The following TCF12 variants were observed in gnomAD, a reference collection of about 807,000 sequenced individuals.
The protein encoded by TCF12 is DNA-binding protein HTF4.
TCF12 carries 45 observed loss-of-function variants against 86.0 expected under a neutral mutation model. The observed-to-expected ratio is 0.52, with a 90% confidence interval of 0.41 to 0.67. TCF12 has a LOEUF of 0.67. Among genes scored for constraint, TCF12 ranks in the 30% least tolerant of loss-of-function variants. The pLI is 0.00. For synonymous variants in TCF12, 330 were observed against 299.6 expected, an observed-to-expected ratio of 1.10 and a Z score of -1.05; for missense variants, 881 against 859.9, an observed-to-expected ratio of 1.02 and a Z score of -0.31.
At chr15:57,014,599 A>G (rs1188537505) in intron 3 of TCF12, among the ~76,000 whole-genome samples, 1 of 152,116 alleles carries the variant, frequency 6.6e-6, no homozygotes, top group Non-Finnish European at 1.5e-5. Flanking sequence ...ATTCCTGGGC[A>G]TGATGTCTTT....
intron 5 of TCF12, among the ~76,000 whole-genome samples, chr15:57,097,208 T>G (rs2049385083): frequency 6.6e-6 from 1 of 152,202 alleles, no homozygotes; most frequent in South Asian, 2.1e-4. Flanking sequence ...ATCACCATTT[T>G]CAGACTATCA....
chr15:56,982,489 T>C (rs1192877781), intron 3 of TCF12, among the ~76,000 whole-genome samples: 2 of 152,222 alleles, frequency 1.3e-5, no homozygotes, highest in African/African-American at 4.8e-5. Flanking sequence ...TCCAGTGACC[T>C]GATAACTGTC....
At chr15:57,046,592 G>A (rs1260951025) in intron 3 of TCF12, among the ~76,000 whole-genome samples, 1 of 152,018 alleles carries the variant, frequency 6.6e-6, no homozygotes, top group Non-Finnish European at 1.5e-5. Context: ...ACAGGCCAGT[G>A]CCATCACACC....
intron 3 of TCF12, among the ~76,000 whole-genome samples, chr15:56,930,374 TGCCAAGG>T (rs1307528512): frequency 2.6e-5 from 4 of 152,234 alleles, no homozygotes; most frequent in African/African-American, 9.6e-5. Flanking sequence ...TGGGCACTTG[TGCCAAGG>T]GTAAGAATCT....
intron 16 of TCF12, among the ~76,000 whole-genome samples, chr15:57,260,821 A>G (rs1434650645): frequency 6.6e-6 from 1 of 152,218 alleles, no homozygotes; most frequent in African/African-American, 2.4e-5. Flanking sequence ...TTAAGAATAA[A>G]CAAGACCAGG....
At chr15:57,272,214 A>G (rs563642524) in intron 18 of TCF12, among the ~76,000 whole-genome samples, 17 of 152,350 alleles carry the variant, frequency 1.1e-4, no homozygotes, top group African/African-American at 3.8e-4. Context: ...TAATGTAAAT[A>G]ATTCTGTGAT....
chr15:56,934,821 C>A (rs2060397237), intron 3 of TCF12, among the ~76,000 whole-genome samples: 1 of 152,050 alleles, frequency 6.6e-6, no homozygotes, highest in African/African-American at 2.4e-5. Flanking sequence ...GGTCAGTGTA[C>A]TTGTGGCCTT....
At chr15:56,923,509 A>C (rs1294682365) in intron 3 of TCF12, among the ~76,000 whole-genome samples, 6 of 152,154 alleles carry the variant, frequency 3.9e-5, no homozygotes, top group African/African-American at 1.4e-4. Flanking sequence ...GGCTCTGTGA[A>C]GTGTTCCTAA....
At chr15:57,216,984 G>A (rs1164220957) in intron 8 of TCF12, among the ~76,000 whole-genome samples, 1 of 151,988 alleles carries the variant, frequency 6.6e-6, no homozygotes. Flanking sequence ...ATAGATACAG[G>A]CATAGAGTTT....
At chr15:57,041,287 T>C (rs2066880580) in intron 3 of TCF12, among the ~76,000 whole-genome samples, 1 of 152,220 alleles carries the variant, frequency 6.6e-6, no homozygotes, top group African/African-American at 2.4e-5. Context: ...TTTTAGTACG[T>C]TAAAATTGGA....
chr15:57,088,151 T>G (rs1246586006), intron 4 of TCF12, among the ~76,000 whole-genome samples: 1 of 152,216 alleles, frequency 6.6e-6, no homozygotes, highest in East Asian at 1.9e-4. Context: ...ATTGTTTGCT[T>G]GGTTTTTGTT....
chr15:57,233,019 G>A (rs1331390952), intron 11 of TCF12, among the ~76,000 whole-genome samples, 163 bp downstream of exon 11: 7 of 118,422 alleles, frequency 5.9e-5, no homozygotes, highest in Non-Finnish European at 1.1e-4. Context: ...TGTTATATAT[G>A]TATATATGTG....
intron 8 of TCF12, among the ~76,000 whole-genome samples, chr15:57,198,511 T>C (rs1380187738): frequency 2.0e-5 from 3 of 152,184 alleles, no homozygotes; most frequent in African/African-American, 7.2e-5. Context: ...CATGATAATC[T>C]AATACTGTAG....
rs1317950278 is a variant in TCF12 at position 57,273,020 on chromosome 15, T to C, written c.1746-10T>C. On this transcript the variant is annotated splice_polypyrimidine_tract_variant and intron_variant, in intron 18 of 20. Coordinates refer to ENST00000333725, the MANE Select transcript of TCF12 (RefSeq NM_207037.2). ...AACCTAATAGACCTTGTTGTTACTT[T>C]ATTTTCTAGCAGTACTAATGAAGAT... is the stretch of plus-strand genomic sequence containing the variant. The C allele has an allele frequency of 1.9e-6, 3 of 1,612,658 alleles. No individual in the cohort carries two copies. The highest frequency in any genetic ancestry group is 2.5e-6 in the Non-Finnish European group (3 of 1,179,110).
rs534934623 is a variant in TCF12 at position 57,200,069 on chromosome 15, C to T, written c.579+2244C>T. Reference sequence around the variant, plus strand: ...GCTTTTTTTTTTTTTTTTGTAGAGACGAGGAGGTCTCTGTCCAGGCCAGGA... The same window carrying T: ...GCTTTTTTTTTTTTTTTTGTAGAGATGAGGAGGTCTCTGTCCAGGCCAGGA... On this transcript the variant is annotated intron_variant, in intron 8 of 20. Transcript: ENST00000333725. Among the ~76,000 whole-genome samples the T allele has an allele frequency of 9.5e-5, 13 of 136,378 alleles. 1 individual carries two copies. The highest frequency in any genetic ancestry group is 3.1e-4 in the African/African-American group (11 of 35,660). 89.5% of individuals were successfully genotyped at this position (136,378 alleles called of 152,430 possible).
At chr15:57,223,712 C>T (rs1234946331) in intron 8 of TCF12, among the ~76,000 whole-genome samples, 1 of 117,658 alleles carries the variant, frequency 8.5e-6, no homozygotes, top group South Asian at 2.9e-4. Context: ...ATTGTAAATA[C>T]TTATAAGACT....
intron 3 of TCF12, among the ~76,000 whole-genome samples, chr15:56,925,985 G>A (rs1454884349): frequency 6.6e-6 from 1 of 152,238 alleles, no homozygotes; most frequent in Non-Finnish European, 1.5e-5. Context: ...TTTTTGGGAA[G>A]ATGGGAAATG....
chr15:57,260,704 C>T (rs1241137687), intron 16 of TCF12, among the ~76,000 whole-genome samples: 1 of 152,090 alleles, frequency 6.6e-6, no homozygotes, highest in Non-Finnish European at 1.5e-5. Flanking sequence ...AAAGAATTTG[C>T]AGCCGTATAT....
intron 3 of TCF12, among the ~76,000 whole-genome samples, chr15:56,958,163 G>A (rs1475707813): frequency 6.6e-6 from 1 of 152,052 alleles, no homozygotes; most frequent in Non-Finnish European, 1.5e-5. Flanking sequence ...CTGCTCTCAG[G>A]TTCTCTGCCC....
Sources: gnomAD v4.1 joint callset for allele counts (sites outside exome capture counted in the v4.1 genomes callset) on GRCh38, gnomAD v4.1.1 for gene constraint, MANE v1.5 for transcripts, NCBI Gene and HGNC (gene_info 2026-07-23, HGNC 2026-07-21) for gene names.